Variants in AJAP1 observed in about 807,000 individuals in gnomAD.
The protein encoded by AJAP1 is adherens junction-associated protein 1.
AJAP1 carries 5 observed loss-of-function variants against 35.0 expected under a neutral mutation model. The observed-to-expected ratio is 0.14, with a 90% confidence interval of 0.07 to 0.30. The LOEUF (loss-of-function observed/expected upper bound fraction) is 0.30, where lower values mean the gene tolerates loss of function less well. Ranked by LOEUF, AJAP1 falls within the 10% of genes least tolerant of loss-of-function variation. The probability of loss-of-function intolerance (pLI) is 1.00; values close to 1 mark genes in which losing one functional copy is unlikely to be tolerated. For missense variants in AJAP1, 586 were observed against 571.0 expected (o/e 1.03, Z -0.27); for synonymous variants, 284 against 249.3 (o/e 1.14, Z -1.31).
At chr1:4,777,717 C>T (rs561259843) in intron 5 of AJAP1, 3 of 152,242 alleles carry the variant, frequency 2.0e-5, no homozygotes, top group Non-Finnish European at 4.4e-5. Flanking sequence ...CTCTTGAATC[C>T]GAAGCAAGTG....
chr1:4,731,488 A>G (rs1328039301), intron 2 of AJAP1, among the ~76,000 whole-genome samples: 2 of 152,210 alleles, frequency 1.3e-5, no homozygotes, highest in Admixed American at 6.5e-5. Context: ...TTGCCTTTCT[A>G]GTGGTCCCCA....
chr1:4,726,666 T>G (rs1014873648), intron 2 of AJAP1, among the ~76,000 whole-genome samples: 1 of 152,000 alleles, frequency 6.6e-6, no homozygotes, highest in Non-Finnish European at 1.5e-5. Context: ...ACATTTCTGG[T>G]CTCCACTCTC....
chr1:4,728,666 A>G (rs528556409), intron 2 of AJAP1, among the ~76,000 whole-genome samples: 6 of 152,178 alleles, frequency 3.9e-5, no homozygotes, highest in Admixed American at 6.5e-5. Flanking sequence ...CTCAGGCACA[A>G]CTGCAGAGCC....
intron 1 of AJAP1, among the ~76,000 whole-genome samples, chr1:4,662,270 C>T (rs562239082): frequency 5.9e-5 from 9 of 152,286 alleles, no homozygotes; most frequent in South Asian, 2.1e-4. Flanking sequence ...CAGCCTTTGA[C>T]GACCACTCCT....
rs142465592 is a variant in AJAP1 at position 4,726,021 on chromosome 1, C to G, written c.829+13322C>G. Among the ~76,000 whole-genome samples, 4 of 152,358 alleles carry G rather than the reference C, an allele frequency of 2.6e-5. No homozygotes were observed. The East Asian group carries it at 7.7e-4, about 29-fold the overall frequency. On this transcript the variant is annotated intron_variant, in intron 2 of 5. Transcript: ENST00000378191. ...CATAACACCTCCCACCTCCAGGGGT[C>G]ATGGCCCACCTGGGAGAGTGCCTCC... is the stretch of plus-strand genomic sequence containing the variant.
At position 4,692,874 on chromosome 1, in the gene AJAP1, T is replaced by C. The variant is rs1639775644; in HGVS notation, c.30-19026T>C. On this transcript the variant is annotated intron_variant, in intron 1 of 5. Transcript: ENST00000378191. The surrounding 1 kb of genome is among the most constrained non-coding windows in gnomAD (Gnocchi z 4.4). ...GTGCACATTTTTCCAAGCTCAGCCC[T>C]GTGCTCTGTGCTGGAACTGGACAGG... 2.6e-5 allele frequency among the ~76,000 whole-genome samples: 4 copies of C among 152,250 alleles called. No individual in the cohort carries two copies. The highest frequency in any genetic ancestry group is 2.6e-4 in the Admixed American group (4 of 15,282).
At chr1:4,745,741 TG>T (rs951224735) in intron 2 of AJAP1, among the ~76,000 whole-genome samples, 1 of 152,142 alleles carries the variant, frequency 6.6e-6, no homozygotes, top group African/African-American at 2.4e-5. Context: ...GGATGGTGGG[TG>T]GAGTCAAAGG....
rs551357734 is a variant in AJAP1 at position 4,743,780 on chromosome 1, C to T, written c.830-26073C>T. Among the ~76,000 whole-genome samples the T allele has an allele frequency of 2.6e-4, 39 of 152,278 alleles. 1 individual carries two copies. Among genetic ancestry groups the T allele is most frequent in the South Asian group, 1.9e-3 (9 of 4,820 alleles). ...GATGAACTTCATCTATGGGGGGTCTCGCCGAGAACAATCCCTGACTTACCT... is the reference window on the plus strand; with the variant it reads ...GATGAACTTCATCTATGGGGGGTCTTGCCGAGAACAATCCCTGACTTACCT... On this transcript the variant is annotated intron_variant, in intron 2 of 5. Coordinates refer to ENST00000378191, the MANE Select transcript of AJAP1 (RefSeq NM_018836.4).
intron 2 of AJAP1, among the ~76,000 whole-genome samples, chr1:4,751,232 G>A (rs1011774432): frequency 6.6e-6 from 1 of 152,148 alleles, no homozygotes; most frequent in African/African-American, 2.4e-5. Context: ...TGTGACCTGG[G>A]AAGGATCCAG....
intron 2 of AJAP1, among the ~76,000 whole-genome samples, chr1:4,742,505 G>C (rs1283240452): frequency 6.6e-6 from 1 of 152,172 alleles, no homozygotes; most frequent in Non-Finnish European, 1.5e-5. Context: ...AGCCTGAATG[G>C]GGTCTCTTTG....
intron 4 of AJAP1, among the ~76,000 whole-genome samples, chr1:4,773,819 C>T (rs545733417): frequency 1.3e-5 from 2 of 152,286 alleles, no homozygotes; most frequent in Non-Finnish European, 2.9e-5. Context: ...CTTCACTTTT[C>T]CCACCTTCTG....
At chr1:4,682,356 C>T (rs1639502797) in intron 1 of AJAP1, among the ~76,000 whole-genome samples, 1 of 152,214 alleles carries the variant, frequency 6.6e-6, no homozygotes, top group Non-Finnish European at 1.5e-5. Context: ...CCACCTTCCC[C>T]TATGCATCTC....
chr1:4,659,102 G>T (rs981308976), intron 1 of AJAP1, among the ~76,000 whole-genome samples: 6 of 152,196 alleles, frequency 3.9e-5, no homozygotes, highest in Non-Finnish European at 8.8e-5. Flanking sequence ...GGGTTACAAT[G>T]AAGTAGGTAA....
chr1:4,726,256 G>A (rs964082378), intron 2 of AJAP1, among the ~76,000 whole-genome samples: 16 of 152,224 alleles, frequency 1.1e-4, no homozygotes, highest in African/African-American at 2.7e-4. Context: ...TAAGGCTGCC[G>A]TGCTTGTGCC....
intron 2 of AJAP1, among the ~76,000 whole-genome samples, chr1:4,745,517 C>G (rs1641169061): frequency 6.6e-6 from 1 of 152,182 alleles, no homozygotes. Context: ...GGGTTTTAAG[C>G]CAGCCTCCAT....
intron 2 of AJAP1, among the ~76,000 whole-genome samples, chr1:4,731,813 T>G (rs1168940322): frequency 6.6e-6 from 1 of 152,224 alleles, no homozygotes; most frequent in African/African-American, 2.4e-5. Flanking sequence ...ACTCAGCTCC[T>G]GAAAGAATTG....
intron 2 of AJAP1, among the ~76,000 whole-genome samples, chr1:4,733,275 G>A (rs932856008): frequency 7.2e-5 from 11 of 151,862 alleles, no homozygotes; most frequent in African/African-American, 1.7e-4. Flanking sequence ...TCAGTGTCAC[G>A]GGGAGCCGTG....
At chr1:4,688,175 GC>G (rs1176493183) in intron 1 of AJAP1, among the ~76,000 whole-genome samples, 1 of 152,140 alleles carries the variant, frequency 6.6e-6, no homozygotes, top group African/African-American at 2.4e-5. Context: ...CCCTCGGAGC[GC>G]CCCGTAGTCT....
intron 1 of AJAP1, among the ~76,000 whole-genome samples, chr1:4,667,983 G>A (rs1639170237): frequency 6.6e-6 from 1 of 152,210 alleles, no homozygotes; most frequent in South Asian, 2.1e-4. Flanking sequence ...GGGAGGTAGA[G>A]GCGGGAGGAA....
Sources: allele counts gnomAD v4.1 joint callset (sites outside exome capture counted in the v4.1 genomes callset), GRCh38; gene constraint gnomAD v4.1.1; non-coding constraint Gnocchi (gnomAD v3.1); transcripts MANE v1.5; gene names NCBI Gene and HGNC (gene_info 2026-07-23, HGNC 2026-07-21).